The following CMIP variants were observed in gnomAD, a reference collection of about 807,000 sequenced individuals.
CMIP encodes the protein c-Maf inducing protein.
Under a neutral mutation model 97.3 loss-of-function variants are expected in CMIP, and 13 were observed. The ratio of observed to expected loss-of-function variants is 0.13; its 90% CI spans 0.09 to 0.21. CMIP has a LOEUF of 0.21. Ranked by LOEUF, CMIP falls within the 10% of genes least tolerant of loss-of-function variation. The probability of loss-of-function intolerance (pLI) is 1.00; values close to 1 mark genes in which losing one functional copy is unlikely to be tolerated. For synonymous variants in CMIP, 538 were observed against 436.3 expected, an observed-to-expected ratio of 1.23 and a Z score of -2.91; for missense variants, 847 against 1,024.9, an observed-to-expected ratio of 0.83 and a Z score of 2.37.
intron 14 of CMIP, chr16:81,697,244 C>G (rs1906838606): frequency 6.5e-6 from 1 of 153,720 alleles, no homozygotes; most frequent in Non-Finnish European, 1.5e-5. Flanking sequence ...TGTACTGCAT[C>G]CTTGTTGCTG....
intron 3 of CMIP, among the ~76,000 whole-genome samples, chr16:81,646,925 G>T (rs1002538761): frequency 3.9e-5 from 6 of 152,168 alleles, no homozygotes; most frequent in African/African-American, 1.4e-4. Context: ...GGACATTCTT[G>T]GGCATGTCTT....
At chr16:81,663,924 C>T (rs1356604356) in intron 6 of CMIP, among the ~76,000 whole-genome samples, 2 of 152,136 alleles carry the variant, frequency 1.3e-5, no homozygotes, top group Non-Finnish European at 2.9e-5. Flanking sequence ...TTTCCAGTGC[C>T]CCACATGCCT....
chr16:81,708,727 G>C (rs1191270203), intron 20 of CMIP, among the ~76,000 whole-genome samples: 2 of 152,210 alleles, frequency 1.3e-5, no homozygotes, highest in East Asian at 3.8e-4. Flanking sequence ...TTGAAATCTA[G>C]ATTCGTCTGT....
rs2089855903 is a variant in CMIP at position 81,513,660 on chromosome 16, G to A, written c.300+68119G>A. Among the ~76,000 whole-genome samples the A allele has an allele frequency of 2.0e-5, 3 of 152,364 alleles. 1 individual carries two copies. The South Asian group carries it at 6.2e-4, about 32-fold the overall frequency. ...GCTGCTGTGCAGACCCGTGGGTCTA[G>A]GCAATGGGGCAAGGGTCAGATGGGT... On this transcript the variant is annotated intron_variant, in intron 1 of 20. Transcript: ENST00000537098.
At chr16:81,537,488 T>C (rs996257197) in intron 1 of CMIP, among the ~76,000 whole-genome samples, 1 of 140,362 alleles carries the variant, frequency 7.1e-6, no homozygotes, top group Non-Finnish European at 1.5e-5. Context: ...TGAGCCAAGA[T>C]TGCACCACCG....
chr16:81,470,545 A>C (rs1464178121), intron 1 of CMIP, among the ~76,000 whole-genome samples: 3 of 152,224 alleles, frequency 2.0e-5, no homozygotes, highest in Admixed American at 2.0e-4. Context: ...CTGACAGGCC[A>C]CCTGGAGGTT....
intron 1 of CMIP, among the ~76,000 whole-genome samples, chr16:81,549,476 G>C (rs1000693091): frequency 6.6e-6 from 1 of 152,152 alleles, no homozygotes; most frequent in African/African-American, 2.4e-5. Flanking sequence ...TAGCCCTGGA[G>C]TGCTGTACGT....
chr16:81,546,292 A>C (rs912121831), intron 1 of CMIP, among the ~76,000 whole-genome samples: 7 of 152,192 alleles, frequency 4.6e-5, no homozygotes, highest in African/African-American at 1.4e-4. Flanking sequence ...GGAAGAAGGC[A>C]TGGAGAAGGA....
At chr16:81,610,182 G>A (rs1311618799) in intron 2 of CMIP, 1 of 335,354 alleles carries the variant, frequency 3.0e-6, no homozygotes, top group African/African-American at 2.2e-5. Context: ...TGGAGGGGCA[G>A]TGAGGCTGAA....
intron 9 of CMIP, among the ~76,000 whole-genome samples, chr16:81,677,638 A>G (rs1282892945): frequency 6.6e-6 from 1 of 152,220 alleles, no homozygotes; most frequent in Non-Finnish European, 1.5e-5. Context: ...TAATAATGCC[A>G]TAGAGCCCCT....
chr16:81,488,280 C>T (rs567923354), intron 1 of CMIP, among the ~76,000 whole-genome samples: 1 of 152,256 alleles, frequency 6.6e-6, no homozygotes, highest in South Asian at 2.1e-4. Flanking sequence ...TTTTAAATTC[C>T]TCTTCCTCCA....
chr16:81,656,128 C>T (rs2092478565), intron 4 of CMIP, among the ~76,000 whole-genome samples: 1 of 152,222 alleles, frequency 6.6e-6, no homozygotes, highest in Non-Finnish European at 1.5e-5. Context: ...TGGGTCCAAC[C>T]TCACCTAGGT....
chr16:81,452,410 C>G (rs889433424), intron 1 of CMIP, among the ~76,000 whole-genome samples: 1 of 152,102 alleles, frequency 6.6e-6, no homozygotes, highest in East Asian at 1.9e-4. Context: ...TAAGTGTCAC[C>G]GTTCTAGGCA....
intron 3 of CMIP, among the ~76,000 whole-genome samples, chr16:81,640,881 C>T (rs563418179): frequency 2.6e-4 from 40 of 152,172 alleles, no homozygotes; most frequent in African/African-American, 9.2e-4. Flanking sequence ...GACCCCATTT[C>T]CAAAGAAGGT....
At chr16:81,559,633 G>T (rs997806514) in intron 1 of CMIP, among the ~76,000 whole-genome samples, 9 of 148,982 alleles carry the variant, frequency 6.0e-5, no homozygotes, top group African/African-American at 2.2e-4. Flanking sequence ...TCAGGTGTTG[G>T]TGGTGGTGCT....
At chr16:81,583,743 G>C (rs1474147513) in intron 1 of CMIP, among the ~76,000 whole-genome samples, 1 of 152,130 alleles carries the variant, frequency 6.6e-6, no homozygotes, top group African/African-American at 2.4e-5. Flanking sequence ...AGTGGTTTCT[G>C]GGAAAGACGA....
At chr16:81,688,603 G>A (rs866354933) in intron 10 of CMIP, among the ~76,000 whole-genome samples, 4 of 152,188 alleles carry the variant, frequency 2.6e-5, no homozygotes, top group Admixed American at 6.5e-5. Flanking sequence ...GAAAGTCTCC[G>A]TGACATCGGA....
At chr16:81,675,234 C>T (rs1426930082) in intron 9 of CMIP, among the ~76,000 whole-genome samples, 19 of 152,068 alleles carry the variant, frequency 1.2e-4, no homozygotes, top group Admixed American at 1.2e-3. Flanking sequence ...GAAACAGTCT[C>T]ACTCTGTCAC....
At chr16:81,468,510 C>T (rs1402161282) in intron 1 of CMIP, among the ~76,000 whole-genome samples, 4 of 152,252 alleles carry the variant, frequency 2.6e-5, no homozygotes, top group African/African-American at 9.6e-5. Context: ...CAGGGGCCTG[C>T]GCGTGCCGTG....
Sources: allele counts gnomAD v4.1 joint callset (sites outside exome capture counted in the v4.1 genomes callset), GRCh38; gene constraint gnomAD v4.1.1; transcripts MANE v1.5; gene names NCBI Gene and HGNC (gene_info 2026-07-23, HGNC 2026-07-21).